The following LMO3 variants were observed in gnomAD, a reference collection of about 807,000 sequenced individuals.
The protein encoded by LMO3 is LIM domain only protein 3.
A neutral mutation model predicts 15.8 loss-of-function variants in LMO3; 2 were observed. That is an observed-to-expected ratio of 0.13 (90% confidence interval 0.05 to 0.40). The LOEUF is 0.40. Ranked by LOEUF, LMO3 falls within the 10% of genes least tolerant of loss-of-function variation. The pLI is 0.99. For missense variants in LMO3, 86 were observed against 182.2 expected (o/e 0.47, Z 3.04); for synonymous variants, 62 against 63.8 (o/e 0.97, Z 0.13).
Position 16,549,202 on chromosome 12 carries a change from T to C in LMO3, c.*2020A>G, listed in dbSNP as rs1941897492. On this transcript the variant is annotated 3_prime_UTR_variant, in exon 4 of 4. Transcript: ENST00000537304. ...CCACATATTTTTAATTTGTCTTGCTTTGTTTATTTTGGTTATGCAAGTCCT... is the reference window on the plus strand; with the variant it reads ...CCACATATTTTTAATTTGTCTTGCTCTGTTTATTTTGGTTATGCAAGTCCT... 3.3e-5 allele frequency: 5 copies of C among 152,242 alleles called. No individual in the cohort carries two copies. In the South Asian group the frequency reaches 1.0e-3, roughly 32 times the overall value. 9.4% of individuals were successfully genotyped at this position (152,242 alleles called of 1,614,324 possible). A position where few individuals can be genotyped will look rare whatever the true frequency, so the allele number is the denominator to read the frequency against.
intron 2 of LMO3, among the ~76,000 whole-genome samples, chr12:16,565,226 A>C (rs1565487653): frequency 6.6e-6 from 1 of 152,258 alleles, no homozygotes. Context: ...TCAATTGAAA[A>C]GATTTTTAAC....
intron 2 of LMO3, among the ~76,000 whole-genome samples, chr12:16,567,148 AT>A (rs1170811133): frequency 6.6e-6 from 1 of 152,138 alleles, no homozygotes. Context: ...GTGAGCTGAG[AT>A]CGTGCCATTG....
intron 2 of LMO3, among the ~76,000 whole-genome samples, chr12:16,569,184 C>A (rs541281925): frequency 6.6e-6 from 1 of 152,304 alleles, no homozygotes; most frequent in East Asian, 1.9e-4. Flanking sequence ...CTATAGAGAG[C>A]AGAAAATATC....
In LMO3 at chr12:16,555,171, T is replaced by A. The variant is rs749806288; in HGVS notation, c.333-3844A>T. On this transcript the variant is annotated intron_variant, in intron 3 of 3. Coordinates refer to ENST00000537304, the MANE Select transcript of LMO3 (RefSeq NM_018640.5). This position sits in a 1 kb window ranked among gnomAD's most constrained non-coding sequence, Gnocchi z 5.5. Reference sequence around the variant, plus strand: ...ATACTTTATCAGAATTTGCTATCATTATTATTTGGTAATGATAATCTTTTC... The same window carrying A: ...ATACTTTATCAGAATTTGCTATCATAATTATTTGGTAATGATAATCTTTTC... Among the ~76,000 whole-genome samples, 1 of 152,238 alleles carries A rather than the reference T, an allele frequency of 6.6e-6. No individual in the cohort carries two copies. Among genetic ancestry groups the A allele is most frequent in the African/African-American group, 2.4e-5 (1 of 41,462 alleles).
intron 2 of LMO3, among the ~76,000 whole-genome samples, chr12:16,590,601 A>C (rs1454633999): frequency 2.7e-5 from 4 of 150,786 alleles, no homozygotes; most frequent in African/African-American, 9.9e-5. Flanking sequence ...TTACCTAAGA[A>C]TTAAAAAAAA....
chr12:16,609,174 C>A (rs1944081331), upstream of LMO3: 1 of 152,038 alleles, frequency 6.6e-6, no homozygotes, highest in Non-Finnish European at 1.5e-5. Context: ...TCAGCGGTTG[C>A]CGACAATGAA....
At position 16,600,847 on chromosome 12, in the gene LMO3, T is replaced by C. The variant is rs527398636; in HGVS notation, c.14A>G (p.Gln5Arg). Residue 5 changes from glutamine (Q) to arginine (R), a missense_variant, in exon 2 of 4, where the codon CAG becomes CGG. Gln to Arg is a conservative substitution (Grantham distance 43). Around this residue, in one of 3 missense-constraint regions of LMO3, gnomAD observed 16 missense variants for 21.8 expected, o/e 0.73. Coordinates refer to ENST00000537304, the MANE Select transcript of LMO3 (RefSeq NM_018640.5). Reference protein sequence around the residue: MLSVQPDTKPKGCAG... With the variant: MLSVRPDTKPKGCAG... ...ACAACCTTTCGGCTTGGTGTCTGGC[T>C]GGACTGAGAGCATTTGTATACCTAA... is the stretch of plus-strand genomic sequence containing the variant. 3.7e-6 allele frequency: 6 copies of C among 1,614,046 alleles called. No individual in the cohort carries two copies. In the East Asian group the frequency reaches 1.3e-4, roughly 36 times the overall value.
At chr12:16,564,550 T>C (rs533588433) in intron 2 of LMO3, among the ~76,000 whole-genome samples, 2 of 152,334 alleles carry the variant, frequency 1.3e-5, no homozygotes, top group East Asian at 1.9e-4. Flanking sequence ...TGAGTGTTCA[T>C]TGTATTAGTG....
chr12:16,550,967 A>G lies in LMO3; in HGVS notation c.*255T>C. On this transcript the variant is annotated 3_prime_UTR_variant, in exon 4 of 4. Transcript: ENST00000537304. The stretch of plus-strand genomic sequence containing the variant: ...CAAAATAAACATCTCATGCCAAGTG[A>G]CACAAAAACGAATAGCAAGCAAAAA... The G allele has an allele frequency of 2.5e-6, 1 of 397,904 alleles. No individual in the cohort carries two copies. The allele number at this position is 397,904 out of a possible 1,614,324, so 24.6% of individuals were successfully genotyped here.
At chr12:16,552,376 G>T (rs959851451) in intron 3 of LMO3, among the ~76,000 whole-genome samples, 16 of 152,036 alleles carry the variant, frequency 1.1e-4, no homozygotes, top group African/African-American at 3.9e-4. Context: ...TTCAAATGAT[G>T]TTCCAGCAGA....
At position 16,559,981 on chromosome 12, in the gene LMO3, A is replaced by G. The variant is rs929427742; in HGVS notation, c.332+432T>C. ...TATTTAAAAAAGCAAAAACAAAAAC[A>G]TGAGGGATAAGGAATTTAAAATATA... is the stretch of plus-strand genomic sequence containing the variant. On this transcript the variant is annotated intron_variant, in intron 3 of 3. Coordinates refer to ENST00000537304, the MANE Select transcript of LMO3 (RefSeq NM_018640.5). The surrounding 1 kb of genome is among the most constrained non-coding windows in gnomAD (Gnocchi z 4.1). Among the ~76,000 whole-genome samples the G allele has an allele frequency of 6.6e-6, 1 of 151,954 alleles. No individual in the cohort carries two copies.
At chr12:16,575,894 T>C (rs1428465579) in intron 2 of LMO3, among the ~76,000 whole-genome samples, 1 of 152,024 alleles carries the variant, frequency 6.6e-6, no homozygotes, top group African/African-American at 2.4e-5. Context: ...CAGACTACAT[T>C]ACCCTCCCTC....
At chr12:16,561,897 CTG>C (rs1942419570) in intron 2 of LMO3, among the ~76,000 whole-genome samples, 1 of 152,172 alleles carries the variant, frequency 6.6e-6, no homozygotes, top group Admixed American at 6.5e-5. Context: ...CTAACATAGT[CTG>C]TGCACTTGAT....
intron 1 of LMO3, chr12:16,602,181 C>A (rs1291160437): frequency 6.6e-6 from 1 of 152,170 alleles, no homozygotes; most frequent in Non-Finnish European, 1.5e-5. Context: ...TACAAAACAC[C>A]AAATGTGCAT....
rs1943740008 is a variant in LMO3, at chr12:16,598,945, G to T, written c.206+1710C>A. On this transcript the variant is annotated intron_variant, in intron 2 of 3. Coordinates refer to ENST00000537304, the MANE Select transcript of LMO3 (RefSeq NM_018640.5). This position sits in a 1 kb window ranked among gnomAD's most constrained non-coding sequence, Gnocchi z 4.3. Reference sequence around the variant, plus strand: ...CTATATAAACTCCTTATTTGAAATGGTAACATAAATCCACTTGAGATACTG... The same window carrying T: ...CTATATAAACTCCTTATTTGAAATGTTAACATAAATCCACTTGAGATACTG... 3.3e-6 allele frequency: 1 copy of T among 305,856 alleles called. No homozygotes were observed. The highest frequency in any genetic ancestry group is 6.6e-6 in the Non-Finnish European group (1 of 152,510). The allele number at this position is 305,856 out of a possible 1,614,324, so 18.9% of individuals were successfully genotyped here. A position where few individuals can be genotyped will look rare whatever the true frequency, so the allele number is the denominator to read the frequency against.
chr12:16,602,575 A>G (rs2137715703), intron 1 of LMO3, among the ~76,000 whole-genome samples: 1 of 152,366 alleles, frequency 6.6e-6, no homozygotes, highest in Middle Eastern at 3.4e-3. Context: ...TGGATTTGTA[A>G]GAAGAGCAGG....
At chr12:16,600,967 T>G (rs1943804479) in intron 1 of LMO3, 99 bp from the exon 2 acceptor site, 1 of 915,612 alleles carries the variant, frequency 1.1e-6, no homozygotes, top group Admixed American at 2.8e-5. Flanking sequence ...ATTCTAGGAG[T>G]GTTAGCTTTT....
chr12:16,605,513 C>T, intron 1 of LMO3: 1 of 353,922 alleles, frequency 2.8e-6, no homozygotes, highest in Non-Finnish European at 4.1e-6. Flanking sequence ...ATTATGGCTG[C>T]GTGGAGAGAG....
In LMO3 at chr12:16,560,313, T is replaced by A; in HGVS notation, c.332+100A>T. 1 of 1,295,836 alleles carries A rather than the reference T, an allele frequency of 7.7e-7. No homozygotes were observed. The allele number at this position is 1,295,836 out of a possible 1,614,324, so 80.3% of individuals were successfully genotyped here. A position where few individuals can be genotyped will look rare whatever the true frequency, so the allele number is the denominator to read the frequency against. On this transcript the variant is annotated intron_variant, in intron 3 of 3. Coordinates refer to ENST00000537304, the MANE Select transcript of LMO3 (RefSeq NM_018640.5). This position sits in a 1 kb window ranked among gnomAD's most constrained non-coding sequence, Gnocchi z 5.0. ...TTACAGAACAGAAAAACGCTGAGAT[T>A]GATTGCTTTAAATGTATGAATATAA...
Sources: allele counts gnomAD v4.1 joint callset (sites outside exome capture counted in the v4.1 genomes callset), GRCh38; gene constraint gnomAD v4.1.1; regional missense constraint gnomAD v4.1.1; non-coding constraint Gnocchi (gnomAD v3.1); transcripts MANE v1.5; gene names NCBI Gene and HGNC (gene_info 2026-07-23, HGNC 2026-07-21).